EFCAB5: variants seen among roughly 807,000 people sequenced by gnomAD.
EFCAB5 encodes EF-hand calcium-binding domain-containing protein 5.
In EFCAB5, 131 loss-of-function variants were observed where a neutral mutation model predicts 167.9. That is an observed-to-expected ratio of 0.78 (90% CI 0.68 to 0.90). The LOEUF is 0.90. Among genes scored for constraint, EFCAB5 ranks in the 40% least tolerant of loss-of-function variants. The pLI, the probability that EFCAB5 is intolerant of heterozygous loss-of-function variation, is 0.00. For synonymous variants in EFCAB5, 574 were observed against 602.8 expected (o/e 0.95, Z 0.70); for missense variants, 1,663 against 1,745.2 (o/e 0.95, Z 0.84).
intron 22 of EFCAB5, among the ~76,000 whole-genome samples, chr17:30,093,644 G>A (rs1017827597): frequency 1.3e-5 from 2 of 152,178 alleles, no homozygotes; most frequent in Admixed American, 1.3e-4. Flanking sequence ...TTCCTGAGAA[G>A]CCTTGACCAC....
chr17:30,000,315 T>C (rs1045706502), intron 7 of EFCAB5, among the ~76,000 whole-genome samples: 4 of 152,190 alleles, frequency 2.6e-5, no homozygotes, highest in African/African-American at 7.2e-5. Flanking sequence ...GTATCATACA[T>C]GAACTTGGTT....
chr17:30,061,173 G>A (rs879824258), intron 14 of EFCAB5, among the ~76,000 whole-genome samples: 1 of 152,102 alleles, frequency 6.6e-6, no homozygotes, highest in Non-Finnish European at 1.5e-5. Context: ...TCTGCTGCCA[G>A]ATAAAAATGT....
Position 30,092,005 on chromosome 17 carries a change from G to A in EFCAB5, c.4072G>A (p.Val1358Ile). 1 of 1,613,906 alleles carries A rather than the reference G, an allele frequency of 6.2e-7. No individual in the cohort carries two copies. The highest frequency in any genetic ancestry group is 8.5e-7 in the Non-Finnish European group (1 of 1,179,878). The change falls in exon 21 of 23, where the codon GTA becomes ATA. Residue 1358 changes from valine to isoleucine, a missense_variant. Physicochemically the swap from Val to Ile is conservative, Grantham distance 29 (BLOSUM62 3). Transcript: ENST00000394835. ...ACTGTTGCTCTATGACCATACTCTT[G>A]TAACAGAGCCAAATTCTCCTCAAGA... ...VSLLLYDHTL[V>I]TEPNSPQDSK...
intron 8 of EFCAB5, among the ~76,000 whole-genome samples, chr17:30,045,319 A>G (rs2069891071): frequency 6.6e-6 from 1 of 151,924 alleles, no homozygotes; most frequent in South Asian, 2.1e-4. Flanking sequence ...TTAGCCAGGT[A>G]TGGTGGCACG....
chr17:29,985,768 T>C (rs1371326747), intron 4 of EFCAB5, among the ~76,000 whole-genome samples: 3 of 152,176 alleles, frequency 2.0e-5, no homozygotes, highest in Admixed American at 2.0e-4. Flanking sequence ...CTCTTTCCGG[T>C]AAACTCACAA....
At chr17:30,073,647 G>T in intron 14 of EFCAB5, 1 of 711,548 alleles carries the variant, frequency 1.4e-6, no homozygotes, top group Non-Finnish European at 2.6e-6. Context: ...TTTGCCCGTA[G>T]GGAAAGAAGG....
intron 7 of EFCAB5, among the ~76,000 whole-genome samples, chr17:30,006,032 G>A (rs568061445): frequency 2.6e-5 from 4 of 152,258 alleles, no homozygotes; most frequent in East Asian, 3.9e-4. Context: ...CCTAACCAAC[G>A]TATACCTTCC....
At chr17:30,007,751 C>T (rs2068801484) in intron 7 of EFCAB5, among the ~76,000 whole-genome samples, 1 of 152,174 alleles carries the variant, frequency 6.6e-6, no homozygotes, top group African/African-American at 2.4e-5. Context: ...TTTTGGAAGG[C>T]CAAGGCTGGA....
chr17:29,950,025 G>C (rs1479603076), intron 3 of EFCAB5, among the ~76,000 whole-genome samples: 1 of 152,080 alleles, frequency 6.6e-6, no homozygotes, highest in Non-Finnish European at 1.5e-5. Context: ...TTGGGTTATG[G>C]GAGACAGGTT....
intron 14 of EFCAB5, among the ~76,000 whole-genome samples, chr17:30,076,031 T>C (rs180911730): frequency 4.0e-4 from 61 of 152,332 alleles, no homozygotes; most frequent in African/African-American, 1.4e-3. Context: ...GAGGAACTTA[T>C]TGGTTCATAC....
intron 22 of EFCAB5, among the ~76,000 whole-genome samples, chr17:30,101,296 T>C (rs2071379928): frequency 6.6e-6 from 1 of 152,194 alleles, no homozygotes; most frequent in Non-Finnish European, 1.5e-5. Flanking sequence ...TGCAGGAATC[T>C]GGTGGAAATG....
At chr17:29,951,172 T>C (rs913954962) in intron 3 of EFCAB5, among the ~76,000 whole-genome samples, 4 of 152,224 alleles carry the variant, frequency 2.6e-5, no homozygotes, top group African/African-American at 7.2e-5. Flanking sequence ...GGAGAGAGAT[T>C]GATAAATACT....
rs148366214 is a variant in EFCAB5 at position 30,053,340 on chromosome 17, C to G, written c.1386C>G (p.Asp462Glu). ...AGAAACACATTTATGAAGGTTTTGA[C>G]AAAGTGCTCTTGGAGATGAATACAT... is the stretch of plus-strand genomic sequence containing the variant. ...DNQKHIYEGFDKVLLEMNTLL... is the reference protein window; with the variant it reads ...DNQKHIYEGFEKVLLEMNTLL... Residue 462 changes from aspartate to glutamate, a missense_variant, in exon 10 of 23, where the codon GAC becomes GAG. Transcript: ENST00000394835. The G allele has an allele frequency of 2.4e-5, 38 of 1,613,912 alleles. 1 individual carries two copies. In the Admixed American group the frequency reaches 2.7e-4, roughly 11 times the overall value.
intron 8 of EFCAB5, among the ~76,000 whole-genome samples, chr17:30,040,164 C>A (rs1480049076): frequency 6.6e-6 from 1 of 152,194 alleles, no homozygotes; most frequent in Non-Finnish European, 1.5e-5. Flanking sequence ...CAAGATTCCA[C>A]CGCCTGGAAT....
intron 3 of EFCAB5, among the ~76,000 whole-genome samples, chr17:29,949,146 A>G (rs551254375): frequency 1.3e-5 from 2 of 152,328 alleles, no homozygotes; most frequent in African/African-American, 2.4e-5. Flanking sequence ...TTATTACAAT[A>G]TGAATTATAA....
intron 8 of EFCAB5, among the ~76,000 whole-genome samples, chr17:30,050,341 G>A (rs1475965528): frequency 6.6e-6 from 1 of 152,048 alleles, no homozygotes. Flanking sequence ...CTCTGCGTTG[G>A]TCAGGCTGGT....
chr17:30,020,109 C>T (rs1358820777), intron 7 of EFCAB5, among the ~76,000 whole-genome samples: 1 of 152,050 alleles, frequency 6.6e-6, no homozygotes, highest in African/African-American at 2.4e-5. Context: ...GACAACATTT[C>T]CTTCTTTTTT....
At chr17:30,024,225 A>G (rs1412654797) in intron 7 of EFCAB5, among the ~76,000 whole-genome samples, 1 of 151,758 alleles carries the variant, frequency 6.6e-6, no homozygotes, top group East Asian at 1.9e-4. Context: ...TCAATTAGGA[A>G]AAGAGGAAGT....
intron 5 of EFCAB5, among the ~76,000 whole-genome samples, chr17:29,994,167 T>TATATACATAC (rs1555554318): frequency 7.6e-6 from 1 of 132,230 alleles, no homozygotes; most frequent in Non-Finnish European, 1.6e-5. Context: ...TATATATATA[T>TATATACATAC]ATATATATAT....
Sources: gnomAD v4.1 joint callset for allele counts (sites outside exome capture counted in the v4.1 genomes callset) on GRCh38, gnomAD v4.1.1 for gene constraint, MANE v1.5 for transcripts, NCBI Gene and HGNC (gene_info 2026-07-23, HGNC 2026-07-21) for gene names.